KCNJ6: variants seen among roughly 807,000 people sequenced by gnomAD.
The protein encoded by KCNJ6 is G protein-activated inward rectifier potassium channel 2.
In KCNJ6, 9 loss-of-function variants were observed where a neutral mutation model predicts 34.2. The ratio of observed to expected loss-of-function variants is 0.26; its 90% CI spans 0.16 to 0.46. The LOEUF (loss-of-function observed/expected upper bound fraction) is 0.46, where lower values mean the gene tolerates loss of function less well. KCNJ6 is among the 20% of genes least tolerant of loss of function. KCNJ6 has a pLI of 1.00. For missense variants in KCNJ6, 236 were observed against 531.3 expected, an observed-to-expected ratio of 0.44 and a Z score of 5.46; for synonymous variants, 196 against 207.1, an observed-to-expected ratio of 0.95 and a Z score of 0.46.
chr21:37,641,362 T>G (rs1348115281), intron 3 of KCNJ6, among the ~76,000 whole-genome samples: 1 of 152,200 alleles, frequency 6.6e-6, no homozygotes, highest in African/African-American at 2.4e-5. Context: ...TGATGGGTTC[T>G]GAGAACAGAA....
chr21:37,698,395 G>T (rs1392651028), intron 3 of KCNJ6, among the ~76,000 whole-genome samples: 1 of 152,252 alleles, frequency 6.6e-6, no homozygotes, highest in Non-Finnish European at 1.5e-5. Flanking sequence ...GTTCTGGCTG[G>T]GAGTGCGGGA....
At chr21:37,855,678 AC>A (rs1350413202) in intron 1 of KCNJ6, among the ~76,000 whole-genome samples, 13 of 152,178 alleles carry the variant, frequency 8.5e-5, no homozygotes, top group African/African-American at 3.1e-4. Flanking sequence ...TCCCCCGGGG[AC>A]CAGTCATTGC....
intron 1 of KCNJ6, among the ~76,000 whole-genome samples, chr21:37,863,469 T>C (rs1388551376): frequency 6.6e-6 from 1 of 152,262 alleles, no homozygotes; most frequent in Non-Finnish European, 1.5e-5. Context: ...TGTCCATTTA[T>C]GACTGAATTT....
At chr21:37,782,738 TTTCTAGTTC>T (rs1164363175) in intron 2 of KCNJ6, among the ~76,000 whole-genome samples, 1 of 152,120 alleles carries the variant, frequency 6.6e-6, no homozygotes, top group East Asian at 1.9e-4. Flanking sequence ...GGACACCTCT[TTTCTAGTTC>T]TTGCCTCTGC....
chr21:37,608,123 T>A lies in KCNJ6; in HGVS notation c.*17036A>T, dbSNP rs1369015300. The A allele has an allele frequency of 6.6e-6, 1 of 152,242 alleles. No homozygotes were observed. Among genetic ancestry groups the A allele is most frequent in the East Asian group, 1.9e-4 (1 of 5,196 alleles). 9.4% of individuals were successfully genotyped at this position (152,242 alleles called of 1,614,324 possible). ...TTATCAATAATACTGTTCATGCTAT[T>A]CGTTTCTTAGTCCTTGTCCTTAGCC... On this transcript the variant is annotated 3_prime_UTR_variant, in exon 4 of 4. Coordinates refer to ENST00000609713, the MANE Select transcript of KCNJ6 (RefSeq NM_002240.5).
intron 2 of KCNJ6, among the ~76,000 whole-genome samples, chr21:37,789,298 T>G (rs1037550788): frequency 2.6e-5 from 4 of 152,148 alleles, no homozygotes; most frequent in African/African-American, 4.8e-5. Flanking sequence ...CATAGAGCTT[T>G]TAGGAGGTAA....
At chr21:37,829,580 C>G (rs944259572) in intron 2 of KCNJ6, among the ~76,000 whole-genome samples, 1 of 152,152 alleles carries the variant, frequency 6.6e-6, no homozygotes, top group Non-Finnish European at 1.5e-5. Flanking sequence ...GCTTGTGGCC[C>G]CAGTGATGAT....
chr21:37,894,612 T>C (rs2055778827), intron 1 of KCNJ6, among the ~76,000 whole-genome samples: 1 of 151,972 alleles, frequency 6.6e-6, no homozygotes, highest in Non-Finnish European at 1.5e-5. Context: ...TGCAATGAGC[T>C]GAGTTCGTGC....
chr21:37,840,542 C>G, intron 2 of KCNJ6, 116 bp downstream of exon 2: 1 of 677,812 alleles, frequency 1.5e-6, no homozygotes, highest in Non-Finnish European at 2.6e-6. Context: ...AGATCTCGGT[C>G]CCGTAAGAGC....
intron 2 of KCNJ6, among the ~76,000 whole-genome samples, chr21:37,728,657 G>A (rs963093321): frequency 2.1e-4 from 31 of 151,022 alleles, no homozygotes; most frequent in African/African-American, 6.6e-4. Context: ...CCAGTTACTA[G>A]TTAGTGATGC....
At position 37,700,059 on chromosome 21, in the gene KCNJ6, G is replaced by T. The variant is rs183135120; in HGVS notation, c.946+14152C>A. ...ATTTATTTTTTTCATCCTTTTTATTGAGCACTGACCATGTGCCAGATTGTG... is the reference window on the plus strand; with the variant it reads ...ATTTATTTTTTTCATCCTTTTTATTTAGCACTGACCATGTGCCAGATTGTG... On this transcript the variant is annotated intron_variant, in intron 3 of 3. Coordinates refer to ENST00000609713, the MANE Select transcript of KCNJ6 (RefSeq NM_002240.5). Among the ~76,000 whole-genome samples, 112 of 151,522 alleles carry T rather than the reference G, an allele frequency of 7.4e-4. 1 individual carries two copies. The highest frequency in any genetic ancestry group is 6.9e-4 in the Non-Finnish European group (47 of 67,880).
rs200506447 is a variant in KCNJ6 at position 37,617,012 on chromosome 21, C to CTT, written c.*8145_*8146dup. 6.9e-5 allele frequency: 2 copies of CTT among 28,848 alleles called. No homozygotes were observed. The highest frequency in any genetic ancestry group is 2.5e-4 in the African/African-American group (2 of 7,998). 1.8% of individuals were successfully genotyped at this position (28,848 alleles called of 1,614,324 possible). ...CTTTCTTTCTTTCTCTTTCTTTTCT[C>CTT]TTTCTTTCTTTCTTTCTTTCTTTCT... is the stretch of plus-strand genomic sequence containing the variant. On this transcript the variant is annotated 3_prime_UTR_variant, in exon 4 of 4. Transcript: ENST00000609713.
At chr21:37,857,238 T>C (rs1259796673) in intron 1 of KCNJ6, among the ~76,000 whole-genome samples, 3 of 152,162 alleles carry the variant, frequency 2.0e-5, no homozygotes, top group Non-Finnish European at 4.4e-5. Context: ...GGGCTATTGT[T>C]ACATGCAGCA....
At chr21:37,710,752 G>C (rs1307163614) in intron 3 of KCNJ6, among the ~76,000 whole-genome samples, 3 of 152,166 alleles carry the variant, frequency 2.0e-5, no homozygotes, top group African/African-American at 4.8e-5. Flanking sequence ...ACACACATGG[G>C]CCACAGCTGC....
chr21:37,802,942 T>C (rs1028747271), intron 2 of KCNJ6, among the ~76,000 whole-genome samples: 1 of 152,136 alleles, frequency 6.6e-6, no homozygotes, highest in Admixed American at 6.6e-5. Flanking sequence ...GCCACTAGGA[T>C]CCTCTGCCCT....
chr21:37,764,600 A>G (rs1386756273), intron 2 of KCNJ6, among the ~76,000 whole-genome samples: 2 of 152,078 alleles, frequency 1.3e-5, no homozygotes, highest in Non-Finnish European at 2.9e-5. Context: ...GCTGGTCTTG[A>G]ACTCCTGACC....
intron 1 of KCNJ6, among the ~76,000 whole-genome samples, chr21:37,914,573 C>G (rs1238242573): frequency 2.0e-5 from 3 of 152,212 alleles, no homozygotes; most frequent in Non-Finnish European, 4.4e-5. Flanking sequence ...AAGTTTTGTC[C>G]AATTTTTTTC....
chr21:37,628,163 C>T (rs919813018), intron 3 of KCNJ6, among the ~76,000 whole-genome samples: 2 of 152,100 alleles, frequency 1.3e-5, no homozygotes, highest in Non-Finnish European at 2.9e-5. Flanking sequence ...GTCCCATACA[C>T]AGGAAGGCAA....
chr21:37,754,548 T>A (rs1203957092), intron 2 of KCNJ6, among the ~76,000 whole-genome samples: 1 of 152,178 alleles, frequency 6.6e-6, no homozygotes, highest in African/African-American at 2.4e-5. Flanking sequence ...ACGTACTGTG[T>A]CTTTATTTCC....
Sources: gnomAD v4.1 joint callset for allele counts (sites outside exome capture counted in the v4.1 genomes callset) on GRCh38, gnomAD v4.1.1 for gene constraint, MANE v1.5 for transcripts, NCBI Gene and HGNC (gene_info 2026-07-23, HGNC 2026-07-21) for gene names.